The following IRS4 variants were observed in gnomAD, a reference collection of about 807,000 sequenced individuals.
The protein encoded by IRS4 is insulin receptor substrate 4.
In IRS4, 15 loss-of-function variants were observed where a neutral mutation model predicts 48.6. The observed-to-expected ratio is 0.31, with a 90% CI of 0.21 to 0.48. The LOEUF (loss-of-function observed/expected upper bound fraction) is 0.48, where lower values mean the gene tolerates loss of function less well. IRS4 is among the 20% of genes least tolerant of loss of function. The probability of loss-of-function intolerance (pLI) is 0.99; values close to 1 mark genes in which losing one functional copy is unlikely to be tolerated. For synonymous variants in IRS4, 459 were observed against 413.2 expected (o/e 1.11, Z -1.34); for missense variants, 987 against 1,023.4 (o/e 0.96, Z 0.49).
rs1466025150 is a variant in IRS4, at chrX:108,733,169, G to T, written c.3176C>A (p.Ser1059Tyr). 1.7e-6 allele frequency: 2 copies of T among 1,211,003 alleles called. No homozygotes were observed. The highest frequency in any genetic ancestry group is 2.2e-6 in the Non-Finnish European group (2 of 894,759). The change falls in exon 1 of 2, where the codon TCT (serine) becomes TAT (tyrosine). Residue 1059 changes from serine (S) to tyrosine (Y), a missense_variant. Ser to Tyr is a moderately radical substitution (Grantham distance 144, BLOSUM62 -2). Coordinates refer to ENST00000372129, the MANE Select transcript of IRS4 (RefSeq NM_001379150.1). ...TTCAGAACATCGGCTGGGGGAGAGA[G>T]AAATATCCATACAGCACTCAGAAAA... The part of the protein sequence containing the change: ...DPFSECCMDI[S>Y]LSPSRCSEPP...
In IRS4 at chrX:108,734,351, T is replaced by G. The variant is rs759695886; in HGVS notation, c.1994A>C (p.Lys665Thr). Residue 665 changes from lysine to threonine, a missense_variant, in exon 1 of 2, where the codon AAA becomes ACA. Around this residue, in one of 4 missense-constraint regions of IRS4, gnomAD observed 720 missense variants for 660.3 expected, o/e 1.09. Coordinates refer to ENST00000372129, the MANE Select transcript of IRS4 (RefSeq NM_001379150.1). ...CACTTCTTTGGCTTCTTTGCATTCTTTCGTGGCTCCTCTGTCAACACAAAA... is the reference window on the plus strand; with the variant it reads ...CACTTCTTTGGCTTCTTTGCATTCTGTCGTGGCTCCTCTGTCAACACAAAA... ...LYFCVDRGAT[K>T]ECKEAKEVKD... 6 of 1,209,153 alleles carry G rather than the reference T, an allele frequency of 5.0e-6. No individual in the cohort carries two copies. In the East Asian group the frequency reaches 1.5e-4, roughly 30 times the overall value.
Position 108,734,063 on chromosome X carries a change from G to A in IRS4, c.2282C>T (p.Ala761Val), listed in dbSNP as rs751384387. The change falls in exon 1 of 2, where the codon GCA becomes GTA. Residue 761 changes from alanine to valine, a missense_variant. Transcript: ENST00000372129. ...GTCATCCTCTTTATTAGTATCAGGTGCTTTTGGAGGACTCGGAGCAGGTGG... is the reference window on the plus strand; with the variant it reads ...GTCATCCTCTTTATTAGTATCAGGTACTTTTGGAGGACTCGGAGCAGGTGG... The part of the protein sequence containing the change: ...SPPPAPSPPK[A>V]PDTNKEDDSK... 1 of 1,211,623 alleles carries A rather than the reference G, an allele frequency of 8.3e-7. No individual in the cohort carries two copies. Among genetic ancestry groups the A allele is most frequent in the Admixed American group, 2.2e-5 (1 of 46,050 alleles).
At chrX:108,727,963 A>C (rs781653503) in intron 1 of IRS4, among the ~76,000 whole-genome samples, 3 of 112,419 alleles carry the variant, frequency 2.7e-5, no homozygotes, top group Non-Finnish European at 5.6e-5. Flanking sequence ...CAGAATACCA[A>C]ATTTTATAAT....
intron 1 of IRS4, among the ~76,000 whole-genome samples, chrX:108,730,335 A>AC (rs1195446247): frequency 4.1e-3 from 102 of 25,175 alleles, no homozygotes; most frequent in Non-Finnish European, 6.8e-3. Flanking sequence ...CCACCCCCGC[A>AC]CCCCCCCGCC....
In IRS4 at chrX:108,729,347, C is replaced by T. The variant is rs1026608443; in HGVS notation, c.3766+3232G>A. On this transcript the variant is annotated intron_variant, in intron 1 of 1. Transcript: ENST00000372129. ...TCATAACATTACTAATTTGGCTGAC[C>T]GATTCTCTCACCCCTCCTAGAGCTG... 1.0e-4 allele frequency among the ~76,000 whole-genome samples: 11 copies of T among 108,759 alleles called. No individual in the cohort carries two copies. The East Asian group carries it at 2.6e-3, about 26-fold the overall frequency. The allele number at this position is 108,759 out of a possible 115,157, so 94.4% of individuals were successfully genotyped here.
chrX:108,730,247 TA>T (rs1461946282), intron 1 of IRS4, among the ~76,000 whole-genome samples: 6 of 110,657 alleles, frequency 5.4e-5, no homozygotes, highest in African/African-American at 2.0e-4. Flanking sequence ...CAATTTACAT[TA>T]AAATGCTAAC....
At chrX:108,731,644 T>C (rs1487901531) in intron 1 of IRS4, among the ~76,000 whole-genome samples, 2 of 111,915 alleles carry the variant, frequency 1.8e-5, no homozygotes, top group African/African-American at 6.5e-5. Flanking sequence ...CATTCCAGGG[T>C]AAGCTGCCCC....
intron 1 of IRS4, among the ~76,000 whole-genome samples, chrX:108,725,537 A>G (rs1480215404): frequency 9.1e-6 from 1 of 109,877 alleles, no homozygotes; most frequent in African/African-American, 3.3e-5. Flanking sequence ...TAATAATGCA[A>G]TTATATTAGT....
chrX:108,725,826 TCTGTA>T (rs2068872195), intron 1 of IRS4: 1 of 112,343 alleles, frequency 8.9e-6, no homozygotes, highest in African/African-American at 3.2e-5. Context: ...CTCAAAAGAA[TCTGTA>T]AGGGAAATGT....
chrX:108,725,460 C>CAAAAAAAAAAAA (rs397968164), intron 1 of IRS4, among the ~76,000 whole-genome samples: 7 of 59,800 alleles, frequency 1.2e-4, no homozygotes, highest in African/African-American at 5.1e-4. Flanking sequence ...AGTAAAGCAC[C>CAAAAAAAAAAAA]AAAAAAAAAA....
chrX:108,726,026 C>T (rs1228611320), intron 1 of IRS4: 1 of 112,328 alleles, frequency 8.9e-6, no homozygotes, highest in Non-Finnish European at 1.9e-5. Flanking sequence ...TCCCAACACA[C>T]ACATGGGCCA....
In IRS4 at chrX:108,732,962, A is replaced by G. The variant is rs369943911; in HGVS notation, c.3383T>C (p.Leu1128Ser). ...CGCAGCTACAACTTGGCTGAGGGCT[A>G]AAGTCGGCTCTGCAGCCGAAGCGAC... ...PAVASAAEPT[L>S]ALSQVVAAAS... The change falls in exon 1 of 2, where the codon TTA (leucine) becomes TCA (serine). Residue 1128 changes from leucine to serine, a missense_variant. This residue lies in a region of IRS4 where 720 missense variants were observed against 660.3 expected (regional missense o/e 1.09). Transcript: ENST00000372129. 49 of 1,198,893 alleles carry G rather than the reference A, an allele frequency of 4.1e-5. No homozygotes were observed. Among genetic ancestry groups the G allele is most frequent in the Non-Finnish European group, 5.3e-5 (47 of 886,959 alleles).
In IRS4 at chrX:108,735,244, C is replaced by T; in HGVS notation, c.1101G>A (p.Glu367=). The change falls in exon 1 of 2, where the codon GAG becomes GAA. Residue 367 remains glutamate, a synonymous_variant. Coordinates refer to ENST00000372129, the MANE Select transcript of IRS4 (RefSeq NM_001379150.1). ...ARRHLGLVPL[E]PGGWLRRSRF... ...GGGACCTTCTGAGCCAGCCTCCCGG[C>T]TCGAGCGGCACCAAGCCCAGGTGCC... 8.3e-7 allele frequency: 1 copy of T among 1,211,803 alleles called. No individual in the cohort carries two copies. The highest frequency in any genetic ancestry group is 1.1e-6 in the Non-Finnish European group (1 of 895,609).
chrX:108,735,827 T>A lies in IRS4; in HGVS notation c.518A>T (p.Gln173Leu). The A allele has an allele frequency of 8.3e-7, 1 of 1,208,851 alleles. No individual in the cohort carries two copies. The highest frequency in any genetic ancestry group is 1.1e-6 in the Non-Finnish European group (1 of 894,429). ...RYRHLIALFT[Q>L]DEYFAMVAEN... The stretch of plus-strand genomic sequence containing the variant: ...GGCCACCATCGCGAAGTATTCGTCT[T>A]GGGTGAAAAGAGCAATGAGGTGTCG... Residue 173 changes from glutamine (Q) to leucine (L), a missense_variant, in exon 1 of 2, where the codon CAA becomes CTA. By Grantham distance (113) the Gln-to-Leu change is moderately radical. Coordinates refer to ENST00000372129, the MANE Select transcript of IRS4 (RefSeq NM_001379150.1).
chrX:108,735,702 C>T lies in IRS4; in HGVS notation c.643G>A (p.Gly215Arg), dbSNP rs760832986. ...RCGTLGAQPD[G>R]EPAALAAAAA... ...GCCGCCGCCAGCGCGGCCGGCTCTC[C>T]GTCCGGCTGCGCGCCGAGCGTGCCG... is the stretch of plus-strand genomic sequence containing the variant. Residue 215 changes from glycine to arginine, a missense_variant, in exon 1 of 2, where the codon GGA becomes AGA. Physicochemically the swap from Gly to Arg is moderately radical, Grantham distance 125. This residue lies in a region of IRS4 where 173 missense variants were observed against 208.9 expected (regional missense o/e 0.83). Coordinates refer to ENST00000372129, the MANE Select transcript of IRS4 (RefSeq NM_001379150.1). 1.7e-6 allele frequency: 2 copies of T among 1,169,448 alleles called. No individual in the cohort carries two copies. The highest frequency in any genetic ancestry group is 2.3e-6 in the Non-Finnish European group (2 of 876,340).
rs1056914899 is a variant in IRS4 at position 108,734,189 on chromosome X, G to A, written c.2156C>T (p.Pro719Leu). Residue 719 changes from proline to leucine, a missense_variant, in exon 1 of 2, where the codon CCA becomes CTA. Physicochemically the swap from Pro to Leu is moderately conservative, Grantham distance 98. Transcript: ENST00000372129. ...AGCAGAGACATTTTGAGGAGCCATTGGCATATAATCACTGGAGCTTACAAG... is the reference window on the plus strand; with the variant it reads ...AGCAGAGACATTTTGAGGAGCCATTAGCATATAATCACTGGAGCTTACAAG... ...TPLVSSSDYM[P>L]MAPQNVSASK... 23 of 1,208,890 alleles carry A rather than the reference G, an allele frequency of 1.9e-5. No homozygotes were observed. The highest frequency in any genetic ancestry group is 2.5e-5 in the Non-Finnish European group (22 of 894,985).
At chrX:108,725,460 C>CAAAAAAAAAAAAA (rs397968164) in intron 1 of IRS4, among the ~76,000 whole-genome samples, 4 of 59,847 alleles carry the variant, frequency 6.7e-5, no homozygotes, top group African/African-American at 2.9e-4. Context: ...AGTAAAGCAC[C>CAAAAAAAAAAAAA]AAAAAAAAAA....
At position 108,733,590 on chromosome X, in the gene IRS4, T is replaced by C. The variant is rs1203819749; in HGVS notation, c.2755A>G (p.Ser919Gly). The change falls in exon 1 of 2, where the codon AGT (serine) becomes GGT (glycine). Residue 919 changes from serine (S) to glycine (G), a missense_variant. This residue lies in a region of IRS4 where 720 missense variants were observed against 660.3 expected (regional missense o/e 1.09). Transcript: ENST00000372129. ...GTGAAGTCCATGTTGACGTAGTCAC[T>C]AGAGCTGTCAGCTTCTCTCTGCTCA... Reference protein sequence around the residue: ...THEQREADSSSDYVNMDFTKR... With the variant: ...THEQREADSSGDYVNMDFTKR... 8.2e-7 allele frequency: 1 copy of C among 1,212,312 alleles called. No homozygotes were observed. The highest frequency in any genetic ancestry group is 1.8e-5 in the South Asian group (1 of 57,064).
rs1168820094 is a variant in IRS4, at chrX:108,734,883, T to C, written c.1462A>G (p.Met488Val). ...EDQEGSGGDY[M>V]PMNNWGSGNG... Reference sequence around the variant, plus strand: ...CCTGAGCCCCAATTGTTCATAGGCATGTAGTCACCTCCGCTTCCTTCCTGA... The same window carrying C: ...CCTGAGCCCCAATTGTTCATAGGCACGTAGTCACCTCCGCTTCCTTCCTGA... Residue 488 changes from methionine (M) to valine (V), a missense_variant, in exon 1 of 2, where the codon ATG (methionine) becomes GTG (valine). Met to Val is a conservative substitution (Grantham distance 21). Around this residue, in one of 4 missense-constraint regions of IRS4, gnomAD observed 720 missense variants for 660.3 expected, o/e 1.09. Coordinates refer to ENST00000372129, the MANE Select transcript of IRS4 (RefSeq NM_001379150.1). The C allele has an allele frequency of 1.7e-6, 2 of 1,210,383 alleles. No individual in the cohort carries two copies. The highest frequency in any genetic ancestry group is 2.2e-6 in the Non-Finnish European group (2 of 895,327).
Sources: gnomAD v4.1 joint callset for allele counts (sites outside exome capture counted in the v4.1 genomes callset) on GRCh38, gnomAD v4.1.1 for gene constraint, gnomAD v4.1.1 regional missense constraint, MANE v1.5 for transcripts, NCBI Gene and HGNC (gene_info 2026-07-23, HGNC 2026-07-21) for gene names.